The following AOX1 variants were observed in gnomAD, a reference collection of about 807,000 sequenced individuals.
AOX1 encodes the protein aldehyde oxidase.
A neutral mutation model predicts 169.5 loss-of-function variants in AOX1; 153 were observed. The ratio of observed to expected loss-of-function variants is 0.90; its 90% CI spans 0.79 to 1.03. The LOEUF is 1.03. AOX1 is among the 50% of genes least tolerant of loss of function. The pLI is 0.00. For synonymous variants in AOX1, 562 were observed against 581.9 expected, an observed-to-expected ratio of 0.97 and a Z score of 0.49; for missense variants, 1,656 against 1,663.9, an observed-to-expected ratio of 1.00 and a Z score of 0.08.
chr2:200,627,926 CTCTTCCTT>C (rs911370719), intron 20 of AOX1, among the ~76,000 whole-genome samples: 3 of 152,130 alleles, frequency 2.0e-5, no homozygotes, highest in Admixed American at 2.0e-4. Flanking sequence ...GATTCTCCCT[CTCTTCCTT>C]TCTTCCTTCT....
chr2:200,644,716 A>G (rs960258165), intron 25 of AOX1, among the ~76,000 whole-genome samples: 1 of 151,886 alleles, frequency 6.6e-6, no homozygotes, highest in African/African-American at 2.4e-5. Context: ...TGTGTCATCC[A>G]GTGTTTTGTA....
Position 200,634,890 on chromosome 2 carries a change from CCA to C in AOX1, c.2326_2327del (p.Gln776ValfsTer18), listed in dbSNP as rs765381141. 5 of 1,614,016 alleles carry C rather than the reference CCA, an allele frequency of 3.1e-6. No homozygotes were observed. The highest frequency in any genetic ancestry group is 4.2e-6 in the Non-Finnish European group (5 of 1,179,922). ...GATCAAGAAATGGATGTCTACGTGT[CCA>C]CACAGTTTCCCAAATATATACAGGT... On this transcript the variant is annotated frameshift_variant, in exon 21 of 35. Transcript: ENST00000374700. LOFTEE classifies it high-confidence loss of function.
intron 21 of AOX1, 76 bp downstream of exon 21, chr2:200,634,991 G>T: frequency 6.4e-7 from 1 of 1,561,938 alleles, no homozygotes; most frequent in African/African-American, 1.4e-5. Flanking sequence ...GCAATTAGAG[G>T]TAAAAGTATA....
intron 15 of AOX1, among the ~76,000 whole-genome samples, chr2:200,615,551 C>A (rs2034737030): frequency 6.6e-6 from 1 of 152,156 alleles, no homozygotes. Context: ...CAACATGGAA[C>A]CTTTATGCTT....
intron 27 of AOX1, among the ~76,000 whole-genome samples, chr2:200,657,188 A>ATTT (rs1309414882): frequency 0.018 from 1,241 of 68,440 alleles, 22 homozygotes; most frequent in East Asian, 0.11. Flanking sequence ...ATATATATAT[A>ATTT]TATTTTTTTT....
At chr2:200,595,531 G>A (rs2034265050) in intron 3 of AOX1, among the ~76,000 whole-genome samples, 163 bp downstream of exon 3, 1 of 152,096 alleles carries the variant, frequency 6.6e-6, no homozygotes, top group African/African-American at 2.4e-5. Flanking sequence ...GAATATGAAT[G>A]TTTTGGGAAA....
intron 12 of AOX1, among the ~76,000 whole-genome samples, chr2:200,610,306 G>A (rs2034608273): frequency 1.3e-5 from 2 of 151,976 alleles, no homozygotes; most frequent in Admixed American, 6.6e-5. Flanking sequence ...TCCTGACCTC[G>A]GGTGATCCAC....
chr2:200,621,092 A>G lies in AOX1; in HGVS notation c.1875-28A>G. 1.9e-6 allele frequency: 3 copies of G among 1,597,732 alleles called. No individual in the cohort carries two copies. In the South Asian group the frequency reaches 3.4e-5, roughly 18 times the overall value. On this transcript the variant is annotated intron_variant, in intron 17 of 34. Coordinates refer to ENST00000374700, the MANE Select transcript of AOX1 (RefSeq NM_001159.4). The stretch of plus-strand genomic sequence containing the variant: ...TGTTCTTGGCCTCTATGGCCACTCT[A>G]AGGAGCTCTGCTGTGTATATCATCT...
Position 200,641,084 on chromosome 2 carries a change from G to A in AOX1, c.2569-14G>A. On this transcript the variant is annotated splice_polypyrimidine_tract_variant and intron_variant, in intron 23 of 34. Transcript: ENST00000374700. ...GCCCCTGTTCCAGCATTCGATATCG[G>A]TTCTCTTCCCCAGGCTGGATTCATG... The A allele has an allele frequency of 6.2e-7, 1 of 1,608,482 alleles. No individual in the cohort carries two copies. The highest frequency in any genetic ancestry group is 8.5e-7 in the Non-Finnish European group (1 of 1,175,514).
downstream of AOX1, among the ~76,000 whole-genome samples, chr2:200,677,322 C>G (rs375557596): frequency 6.6e-6 from 1 of 152,104 alleles, no homozygotes; most frequent in Non-Finnish European, 1.5e-5. Flanking sequence ...AGATGCAAAG[C>G]GATTGTGTTG....
At position 200,671,480 on chromosome 2, in the gene AOX1, T is replaced by A. The variant is rs1348946219; in HGVS notation, c.*801T>A. 2 of 152,218 alleles carry A rather than the reference T, an allele frequency of 1.3e-5. No homozygotes were observed. The highest frequency in any genetic ancestry group is 4.8e-5 in the African/African-American group (2 of 41,466). 9.4% of individuals were successfully genotyped at this position (152,218 alleles called of 1,614,324 possible). On this transcript the variant is annotated 3_prime_UTR_variant, in exon 35 of 35. Transcript: ENST00000374700. The stretch of plus-strand genomic sequence containing the variant: ...GCATAAATATTATGTATCAATAAAA[T>A]TTTTTAATGGGCAAAGGATTTGAGT...
At chr2:200,680,450 C>T (rs2036142111), downstream of AOX1, among the ~76,000 whole-genome samples, 1 of 152,190 alleles carries the variant, frequency 6.6e-6, no homozygotes, top group South Asian at 2.1e-4. Context: ...GGAGGAAGGT[C>T]ACTAGCCTGC....
intron 20 of AOX1, among the ~76,000 whole-genome samples, chr2:200,628,100 G>A (rs6711025): frequency 0.47 from 70,731 of 151,892 alleles, 17,020 homozygotes; most frequent in East Asian, 0.79. Context: ...TTGGCTTTGA[G>A]ATATTTTAAA....
chr2:200,654,206 C>CAAAAAA (rs60045401), intron 26 of AOX1, among the ~76,000 whole-genome samples: 7 of 84,764 alleles, frequency 8.3e-5, no homozygotes, highest in African/African-American at 3.1e-4. Context: ...GACCCTGTCT[C>CAAAAAA]AAAAAAAAAA....
At chr2:200,631,180 C>T (rs1226730839) in intron 20 of AOX1, among the ~76,000 whole-genome samples, 1 of 152,222 alleles carries the variant, frequency 6.6e-6, no homozygotes, top group Non-Finnish European at 1.5e-5. Flanking sequence ...GGTGTCACAG[C>T]ACCAGAGGAT....
At chr2:200,646,709 T>C (rs1300531213) in intron 25 of AOX1, among the ~76,000 whole-genome samples, 1 of 152,114 alleles carries the variant, frequency 6.6e-6, no homozygotes, top group African/African-American at 2.4e-5. Context: ...TTAGGTCTAT[T>C]AGTAATTGTT....
At chr2:200,628,916 G>A (rs2035058570) in intron 20 of AOX1, among the ~76,000 whole-genome samples, 1 of 151,970 alleles carries the variant, frequency 6.6e-6, no homozygotes, top group Non-Finnish European at 1.5e-5. Context: ...GACAGAAGGA[G>A]ACTCCATCTC....
chr2:200,594,456 T>A (rs2034237717), intron 2 of AOX1, among the ~76,000 whole-genome samples: 1 of 152,180 alleles, frequency 6.6e-6, no homozygotes, highest in African/African-American at 2.4e-5. Flanking sequence ...GGATCAGAGC[T>A]GGTAAAGCAG....
At chr2:200,662,614 A>G (rs2105771172) in intron 30 of AOX1, among the ~76,000 whole-genome samples, 1 of 152,364 alleles carries the variant, frequency 6.6e-6, no homozygotes, top group Non-Finnish European at 1.5e-5. Context: ...GCTAACCTCC[A>G]GGAGTAAGGA....
Sources: allele counts gnomAD v4.1 joint callset (sites outside exome capture counted in the v4.1 genomes callset), GRCh38; gene constraint gnomAD v4.1.1; transcripts MANE v1.5; gene names NCBI Gene and HGNC (gene_info 2026-07-23, HGNC 2026-07-21).